MAPK8: variants seen among roughly 807,000 people sequenced by gnomAD.
The protein encoded by MAPK8 is mitogen-activated protein kinase 8.
MAPK8 carries 13 observed loss-of-function variants against 52.9 expected under a neutral mutation model. That is an observed-to-expected ratio of 0.25 (90% CI 0.16 to 0.39). The LOEUF (loss-of-function observed/expected upper bound fraction) is 0.39. Ranked by LOEUF, MAPK8 falls within the 10% of genes least tolerant of loss-of-function variation. MAPK8 has a pLI of 1.00. For missense variants in MAPK8, 300 were observed against 519.2 expected, an observed-to-expected ratio of 0.58 and a Z score of 4.10; for synonymous variants, 191 against 169.8, an observed-to-expected ratio of 1.12 and a Z score of -0.97.
chr10:48,325,772 G>T (rs1843459595), intron 1 of MAPK8: 1 of 152,048 alleles, frequency 6.6e-6, no homozygotes, highest in East Asian at 1.9e-4. Flanking sequence ...ACATTTTGTT[G>T]TCATATCTCC....
At chr10:48,350,120 A>T (rs1846164260) in intron 1 of MAPK8, among the ~76,000 whole-genome samples, 1 of 152,240 alleles carries the variant, frequency 6.6e-6, no homozygotes, top group South Asian at 2.1e-4. Context: ...TTGAGGCAGT[A>T]CTTAATAGCC....
chr10:48,412,943 C>T (rs1395857676), intron 5 of MAPK8, among the ~76,000 whole-genome samples: 1 of 152,032 alleles, frequency 6.6e-6, no homozygotes, highest in Non-Finnish European at 1.5e-5. Context: ...ACAGTAATTC[C>T]CTATTCTCCT....
At chr10:48,325,438 A>G (rs1183586940) in intron 1 of MAPK8, among the ~76,000 whole-genome samples, 1 of 152,236 alleles carries the variant, frequency 6.6e-6, no homozygotes, top group Non-Finnish European at 1.5e-5. Context: ...AAAAAGTGGC[A>G]CATAACTTTC....
chr10:48,424,707 T>A (rs2043569060), intron 7 of MAPK8: 2 of 518,446 alleles, frequency 3.9e-6, no homozygotes, highest in East Asian at 6.3e-5. Flanking sequence ...ACTCTTAAAA[T>A]ACCACCTACT....
intron 1 of MAPK8, among the ~76,000 whole-genome samples, chr10:48,336,808 G>GT (rs1272831030): frequency 6.6e-6 from 1 of 152,142 alleles, no homozygotes; most frequent in African/African-American, 2.4e-5. Context: ...CACTTTATAG[G>GT]TTTTTTAAAG....
At chr10:48,432,521 G>A (rs375404625) in intron 11 of MAPK8, among the ~76,000 whole-genome samples, 1 of 152,006 alleles carries the variant, frequency 6.6e-6, no homozygotes, top group East Asian at 1.9e-4. Context: ...CAAATTTAAA[G>A]CTCTATTATA....
intron 1 of MAPK8, among the ~76,000 whole-genome samples, chr10:48,323,631 C>G (rs768940695): frequency 2.0e-5 from 3 of 152,144 alleles, no homozygotes; most frequent in Non-Finnish European, 4.4e-5. Flanking sequence ...GTTTTTGATT[C>G]TCTAAGCTAT....
At chr10:48,407,833 A>G (rs945897514) in intron 3 of MAPK8, among the ~76,000 whole-genome samples, 3 of 152,072 alleles carry the variant, frequency 2.0e-5, no homozygotes, top group African/African-American at 7.2e-5. Context: ...CTGTCTCTAT[A>G]TGCCTTTAAT....
chr10:48,429,798 A>G (rs2044036469), intron 10 of MAPK8: 2 of 152,220 alleles, frequency 1.3e-5, no homozygotes, highest in African/African-American at 2.4e-5. Context: ...TTACCTTATT[A>G]CCAATATAAA....
intron 5 of MAPK8, among the ~76,000 whole-genome samples, chr10:48,418,088 A>G (rs2043159694): frequency 6.6e-6 from 1 of 152,224 alleles, no homozygotes; most frequent in Non-Finnish European, 1.5e-5. Flanking sequence ...ACTGTGTTTC[A>G]GTATCAGCAC....
chr10:48,365,946 A>G (rs1287840511), intron 1 of MAPK8, among the ~76,000 whole-genome samples: 1 of 152,180 alleles, frequency 6.6e-6, no homozygotes, highest in African/African-American at 2.4e-5. Context: ...CAGAATATAT[A>G]GTAATTTACT....
At chr10:48,397,488 CAA>C (rs2041947937) in intron 1 of MAPK8, among the ~76,000 whole-genome samples, 1 of 152,090 alleles carries the variant, frequency 6.6e-6, no homozygotes, top group Admixed American at 6.5e-5. Flanking sequence ...ATGATAGTGA[CAA>C]AGAACAGATT....
At chr10:48,309,893 T>G (rs998960092) in intron 1 of MAPK8, among the ~76,000 whole-genome samples, 1 of 152,228 alleles carries the variant, frequency 6.6e-6, no homozygotes, top group Non-Finnish European at 1.5e-5. Flanking sequence ...AAGGAAGTCA[T>G]TATAACCACA....
chr10:48,392,754 A>T (rs933526341), intron 1 of MAPK8, among the ~76,000 whole-genome samples: 1 of 152,048 alleles, frequency 6.6e-6, no homozygotes, highest in South Asian at 2.1e-4. Flanking sequence ...GCTATATCAT[A>T]TATACTATAT....
At position 48,384,007 on chromosome 10, in the gene MAPK8, A is replaced by T. The variant is rs182347132; in HGVS notation, c.-49-17605A>T. ...TGCCGTGGCTCATGCCTGCAATCCC[A>T]GCACTTTGGGAGGCCAAGGCAGGTG... On this transcript the variant is annotated intron_variant, in intron 1 of 11. Transcript: ENST00000374189. Among the ~76,000 whole-genome samples, 382 of 152,330 alleles carry T rather than the reference A, an allele frequency of 2.5e-3. 1 individual carries two copies. Among genetic ancestry groups the T allele is most frequent in the Non-Finnish European group, 3.9e-3 (262 of 68,038 alleles).
At chr10:48,373,539 G>C (rs1268005814) in intron 1 of MAPK8, among the ~76,000 whole-genome samples, 3 of 132,016 alleles carry the variant, frequency 2.3e-5, no homozygotes, top group African/African-American at 3.1e-5. Flanking sequence ...AAAATAAAGG[G>C]GTGGAGGAAG....
intron 1 of MAPK8, among the ~76,000 whole-genome samples, chr10:48,381,671 C>T (rs2041013995): frequency 6.6e-6 from 1 of 152,038 alleles, no homozygotes; most frequent in Non-Finnish European, 1.5e-5. Flanking sequence ...ATATATTTAG[C>T]TTTTTTATAC....
chr10:48,320,768 ACT>A (rs1253901709), intron 1 of MAPK8, among the ~76,000 whole-genome samples: 2 of 152,004 alleles, frequency 1.3e-5, no homozygotes, highest in African/African-American at 4.8e-5. Flanking sequence ...CATATGGGTA[ACT>A]CTATGCTTAT....
chr10:48,385,253 C>G (rs959866571), intron 1 of MAPK8, among the ~76,000 whole-genome samples: 2 of 152,084 alleles, frequency 1.3e-5, no homozygotes, highest in Non-Finnish European at 2.9e-5. Context: ...TAAAGGGGCT[C>G]GAATTCCATA....
Sources: allele counts gnomAD v4.1 joint callset (sites outside exome capture counted in the v4.1 genomes callset), GRCh38; gene constraint gnomAD v4.1.1; transcripts MANE v1.5; gene names NCBI Gene and HGNC (gene_info 2026-07-23, HGNC 2026-07-21).